SRGAP3: variants seen among roughly 807,000 people sequenced by gnomAD.
The protein encoded by SRGAP3 is SLIT-ROBO Rho GTPase activating protein 3.
In SRGAP3, 39 loss-of-function variants were observed where a neutral mutation model predicts 121.1. That is an observed-to-expected ratio of 0.32 (90% confidence interval 0.25 to 0.42). The LOEUF is 0.42. Ranked by LOEUF, SRGAP3 falls within the 10% of genes least tolerant of loss-of-function variation. The pLI, the probability that SRGAP3 is intolerant of heterozygous loss-of-function variation, is 1.00. For synonymous variants in SRGAP3, 601 were observed against 570.0 expected (o/e 1.05, Z -0.77); for missense variants, 1,213 against 1,470.6 (o/e 0.82, Z 2.86).
At chr3:9,141,438 T>C (rs11720620) in intron 1 of SRGAP3, among the ~76,000 whole-genome samples, 3,393 of 138,272 alleles carry the variant, frequency 0.025, 86 homozygotes, top group Admixed American at 0.091. Context: ...GAGTGATTTA[T>C]GTTTCTGAAA....
chr3:9,348,720 G>T (rs1955952583), intron 1 of SRGAP3: 6 of 1,244,182 alleles, frequency 4.8e-6, no homozygotes, highest in South Asian at 3.6e-5. Flanking sequence ...CACTCTGGGG[G>T]TCTGATCGGT....
intron 1 of SRGAP3, among the ~76,000 whole-genome samples, chr3:9,216,221 G>C (rs1403190640): frequency 6.6e-6 from 1 of 152,126 alleles, no homozygotes; most frequent in Non-Finnish European, 1.5e-5. Flanking sequence ...TACTTCCACA[G>C]ACCCTTCTAG....
chr3:9,305,054 A>G (rs1413727391), intron 3 of SRGAP3, among the ~76,000 whole-genome samples: 1 of 152,224 alleles, frequency 6.6e-6, no homozygotes, highest in Non-Finnish European at 1.5e-5. Context: ...TGGGCCTTCC[A>G]GGAAGCTGAC....
chr3:9,100,799 G>A (rs895523323), intron 3 of SRGAP3, among the ~76,000 whole-genome samples: 1 of 152,230 alleles, frequency 6.6e-6, no homozygotes, highest in African/African-American at 2.4e-5. Flanking sequence ...GCCCTGAGCT[G>A]CTCAGACCTT....
At position 9,239,444 on chromosome 3, in the gene SRGAP3, T is replaced by C; in HGVS notation, c.67+9441A>G. On this transcript the variant is annotated intron_variant, in intron 1 of 21. Coordinates refer to ENST00000383836, the MANE Select transcript of SRGAP3 (RefSeq NM_014850.4). This position sits in a 1 kb window ranked among gnomAD's most constrained non-coding sequence, Gnocchi z 4.0. Reference sequence around the variant, plus strand: ...CACCAAGAAAGAAAGAAAAATATATTTCTTGTGCACCTGGGTTTGTAGCTG... The same window carrying C: ...CACCAAGAAAGAAAGAAAAATATATCTCTTGTGCACCTGGGTTTGTAGCTG... Among the ~76,000 whole-genome samples, 1 of 152,150 alleles carries C rather than the reference T, an allele frequency of 6.6e-6. No individual in the cohort carries two copies. Among genetic ancestry groups the C allele is most frequent in the East Asian group, 1.9e-4 (1 of 5,192 alleles).
intron 4 of SRGAP3, among the ~76,000 whole-genome samples, chr3:9,069,656 T>C (rs1946596304): frequency 6.6e-6 from 1 of 152,106 alleles, no homozygotes; most frequent in Non-Finnish European, 1.5e-5. Flanking sequence ...GGCTCAAAAG[T>C]AGCAAGAGCG....
At chr3:9,226,568 T>C (rs557836399) in intron 1 of SRGAP3, among the ~76,000 whole-genome samples, 2 of 152,326 alleles carry the variant, frequency 1.3e-5, no homozygotes, top group South Asian at 4.1e-4. Context: ...TTAGGTTTTT[T>C]GGCAACTGCC....
In SRGAP3 at chr3:9,331,407, T is replaced by C. The variant is rs560176770; in HGVS notation, n.215-811A>G. ...ACTTTGGAATGCAATTACATATGCA[T>C]GCATGCATGCACAGAACCAGCTACC... On this transcript the variant is annotated intron_variant and non_coding_transcript_variant, in intron 1 of 3. Transcript: ENST00000490889. 3.7e-4 allele frequency among the ~76,000 whole-genome samples: 56 copies of C among 152,338 alleles called. 1 individual carries two copies. The South Asian group carries it at 0.011, about 29-fold the overall frequency.
chr3:9,145,230 G>A (rs752536962), intron 1 of SRGAP3, among the ~76,000 whole-genome samples: 15 of 152,100 alleles, frequency 9.9e-5, no homozygotes, highest in Non-Finnish European at 2.2e-4. Context: ...CAAGTAGCTG[G>A]GATTACAGGC....
chr3:9,264,243 G>T (rs895055530), intron 3 of SRGAP3, among the ~76,000 whole-genome samples: 3 of 152,140 alleles, frequency 2.0e-5, no homozygotes, highest in Non-Finnish European at 4.4e-5. Flanking sequence ...AGCTATTTAT[G>T]ACAAACCCAC....
chr3:9,214,144 GCA>G (rs1190871030), intron 1 of SRGAP3, among the ~76,000 whole-genome samples: 1 of 147,334 alleles, frequency 6.8e-6, no homozygotes, highest in African/African-American at 2.5e-5. Flanking sequence ...ACACACACAT[GCA>G]CACACACACA....
intron 1 of SRGAP3, among the ~76,000 whole-genome samples, chr3:9,131,534 G>A (rs895790342): frequency 1.1e-4 from 16 of 141,996 alleles, no homozygotes; most frequent in African/African-American, 4.2e-4. Flanking sequence ...TGCCTTCCCA[G>A]TTCAAGTGAT....
chr3:9,059,933 C>T, intron 6 of SRGAP3: 1 of 414,484 alleles, frequency 2.4e-6, no homozygotes, highest in Non-Finnish European at 4.6e-6. Context: ...TCAAACCCAG[C>T]AAAGGACCTG....
chr3:9,074,928 C>A (rs1454782355), intron 4 of SRGAP3, among the ~76,000 whole-genome samples: 1 of 152,224 alleles, frequency 6.6e-6, no homozygotes, highest in Non-Finnish European at 1.5e-5. Context: ...TCTCCTGCAG[C>A]CCTGGGCTTG....
intron 18 of SRGAP3, among the ~76,000 whole-genome samples, chr3:9,004,850 T>G (rs1406313992): frequency 6.6e-6 from 1 of 152,204 alleles, no homozygotes; most frequent in Non-Finnish European, 1.5e-5. Flanking sequence ...CTCATGAACT[T>G]GGATTCGGCA....
rs1941407219 is a variant in SRGAP3, at chr3:8,981,358, G to A, written c.*4161C>T. ...GCCACCCCGACTCCCAGCCCAGCAG[G>A]GGCTAACCCCATGGTTGTGAGCCAG... On this transcript the variant is annotated 3_prime_UTR_variant, in exon 22 of 22. Transcript: ENST00000383836. 4.3e-6 allele frequency: 1 copy of A among 232,864 alleles called. No homozygotes were observed. The highest frequency in any genetic ancestry group is 8.5e-6 in the Non-Finnish European group (1 of 117,914). The allele number at this position is 232,864 out of a possible 1,614,324, so 14.4% of individuals were successfully genotyped here.
At chr3:9,177,225 C>T (rs1028864400) in intron 1 of SRGAP3, among the ~76,000 whole-genome samples, 1 of 152,216 alleles carries the variant, frequency 6.6e-6, no homozygotes, top group Non-Finnish European at 1.5e-5. Context: ...CCAGGTCCCT[C>T]CTGTTACGGA....
intron 17 of SRGAP3, among the ~76,000 whole-genome samples, chr3:9,012,530 G>A (rs770719022): frequency 2.0e-5 from 3 of 152,164 alleles, no homozygotes; most frequent in Non-Finnish European, 4.4e-5. Flanking sequence ...ACCTAGTGTA[G>A]TACCAGGTAT....
intron 21 of SRGAP3, among the ~76,000 whole-genome samples, chr3:8,989,952 C>G (rs900466940): frequency 6.6e-6 from 1 of 152,206 alleles, no homozygotes; most frequent in South Asian, 2.1e-4. Flanking sequence ...TCTCAAAATA[C>G]TTTGGACCAT....
Sources: gnomAD v4.1 joint callset for allele counts (sites outside exome capture counted in the v4.1 genomes callset) on GRCh38, gnomAD v4.1.1 for gene constraint, Gnocchi (gnomAD v3.1) non-coding constraint, MANE v1.5 for transcripts, NCBI Gene and HGNC (gene_info 2026-07-23, HGNC 2026-07-21) for gene names.